Variants in DNMT3L observed in about 807,000 individuals in gnomAD.
DNMT3L encodes the protein DNA methyltransferase 3 like.
A neutral mutation model predicts 36.2 loss-of-function variants in DNMT3L; 33 were observed. The observed-to-expected ratio is 0.91, with a 90% CI of 0.69 to 1.22. The LOEUF (loss-of-function observed/expected upper bound fraction) is 1.22. Ranked by LOEUF, DNMT3L falls within the 50% of genes most tolerant of loss-of-function variation. The probability of loss-of-function intolerance (pLI) is 0.00; values close to 1 mark genes in which losing one functional copy is unlikely to be tolerated. For synonymous variants in DNMT3L, 117 were observed against 121.7 expected, an observed-to-expected ratio of 0.96 and a Z score of 0.26; for missense variants, 310 against 303.1, an observed-to-expected ratio of 1.02 and a Z score of -0.17.
chr21:44,256,252 C>G (rs184673535), intron 6 of DNMT3L, 98 bp from the exon 7 acceptor site: 3 of 1,220,940 alleles, frequency 2.5e-6, no homozygotes, highest in Non-Finnish European at 2.4e-6. Context: ...AACACTCACT[C>G]GAGACTCACC....
chr21:44,257,165 A>C (rs558550803), intron 6 of DNMT3L, among the ~76,000 whole-genome samples: 1 of 151,588 alleles, frequency 6.6e-6, no homozygotes, highest in Non-Finnish European at 1.5e-5. Flanking sequence ...GGATCACTTG[A>C]GGTCAGGAGT....
chr21:44,261,255 G>T lies in DNMT3L; in HGVS notation c.5C>A (p.Ala2Glu), dbSNP rs776282345. The part of the protein sequence containing the change: M[A>E]AIPALDPEAE... ...CTCTGGGTCCAGGGCTGGGATGGCC[G>T]CCATGGGGATGCTGTGTCAGGACAC... The change falls in exon 2 of 12, where the codon GCG becomes GAG. Residue 2 changes from alanine to glutamate, a missense_variant. Coordinates refer to ENST00000628202, the MANE Select transcript of DNMT3L (RefSeq NM_175867.3). 4 of 1,612,176 alleles carry T rather than the reference G, an allele frequency of 2.5e-6. No homozygotes were observed. The highest frequency in any genetic ancestry group is 1.3e-5 in the African/African-American group (1 of 74,924).
In DNMT3L at chr21:44,258,736, C is replaced by G; in HGVS notation, c.345-42G>C. The G allele has an allele frequency of 6.3e-7, 1 of 1,597,724 alleles. No individual in the cohort carries two copies. Among genetic ancestry groups the G allele is most frequent in the Non-Finnish European group, 8.5e-7 (1 of 1,169,728 alleles). Reference sequence around the variant, plus strand: ...AACCACAGCAGCGGACATGACAGCCCACCTCTCCTGAGGATGGCAGAGGTG... The same window carrying G: ...AACCACAGCAGCGGACATGACAGCCGACCTCTCCTGAGGATGGCAGAGGTG... On this transcript the variant is annotated intron_variant, in intron 5 of 11. Coordinates refer to ENST00000628202, the MANE Select transcript of DNMT3L (RefSeq NM_175867.3). This position sits in a 1 kb window ranked among gnomAD's most constrained non-coding sequence, Gnocchi z 6.2.
chr21:44,261,301 G>A (rs2040316890), intron 1 of DNMT3L, 35 bp from the exon 2 acceptor site: 1 of 1,598,014 alleles, frequency 6.3e-7, no homozygotes, highest in East Asian at 2.2e-5. Context: ...ATGTGAGAAA[G>A]CCGTCAGCCC....
intron 3 of DNMT3L, among the ~76,000 whole-genome samples, 199 bp downstream of exon 3, chr21:44,260,596 G>T (rs1261001475): frequency 6.6e-6 from 1 of 152,146 alleles, no homozygotes; most frequent in East Asian, 1.9e-4. Context: ...GGGACTACAG[G>T]TGCATGCCAC....
chr21:44,259,564 AGCAAGGCTG>A lies in DNMT3L; in HGVS notation c.232-24_232-16del. 6.2e-7 allele frequency: 1 copy of A among 1,613,672 alleles called. No homozygotes were observed. Among genetic ancestry groups the A allele is most frequent in the Non-Finnish European group, 8.5e-7 (1 of 1,180,006 alleles). The stretch of plus-strand genomic sequence containing the variant: ...AGGAACTTGTCCTTGGAAGGAGCAA[AGCAAGGCTG>A]GCTTGTGTCATCCCTGCTCTGAGGC... On this transcript the variant is annotated splice_polypyrimidine_tract_variant and intron_variant, in intron 4 of 11. Coordinates refer to ENST00000628202, the MANE Select transcript of DNMT3L (RefSeq NM_175867.3).
chr21:44,261,613 C>A (rs1214283628), intron 1 of DNMT3L, 127 bp downstream of exon 1: 3 of 244,324 alleles, frequency 1.2e-5, no homozygotes, highest in Non-Finnish European at 2.4e-5. Flanking sequence ...CAGCCTTCGA[C>A]CCCTCAGGGA....
intron 7 of DNMT3L, among the ~76,000 whole-genome samples, chr21:44,255,453 A>G (rs1351375349): frequency 2.0e-5 from 3 of 151,324 alleles, no homozygotes; most frequent in Non-Finnish European, 2.9e-5. Context: ...CCCGGGGGGC[A>G]GAGGTGCAGC....
At position 44,254,123 on chromosome 21, in the gene DNMT3L, A is replaced by G. The variant is rs139970156; in HGVS notation, c.693+494T>C. The stretch of plus-strand genomic sequence containing the variant: ...GCGGGGAATCTGGCCTACAGGGGGA[A>G]CGCACGACTGGAGCTGTGTCACCTC... On this transcript the variant is annotated intron_variant, in intron 8 of 11. Coordinates refer to ENST00000628202, the MANE Select transcript of DNMT3L (RefSeq NM_175867.3). 9.4e-3 allele frequency among the ~76,000 whole-genome samples: 1,435 copies of G among 152,290 alleles called. 18 individuals carry two copies. The highest frequency in any genetic ancestry group is 0.033 in the African/African-American group (1,360 of 41,560).
intron 8 of DNMT3L, among the ~76,000 whole-genome samples, chr21:44,253,546 G>A (rs1353874728): frequency 7.9e-5 from 12 of 152,002 alleles, no homozygotes; most frequent in Admixed American, 2.6e-4. Context: ...GTGAAACCCC[G>A]TCTCTACTAA....
In DNMT3L at chr21:44,258,471, C is replaced by G. The variant is rs1450042796; in HGVS notation, c.516+52G>C. 1 of 1,494,930 alleles carries G rather than the reference C, an allele frequency of 6.7e-7. No homozygotes were observed. The highest frequency in any genetic ancestry group is 9.0e-7 in the Non-Finnish European group (1 of 1,116,568). 92.6% of individuals were successfully genotyped at this position (1,494,930 alleles called of 1,614,324 possible). On this transcript the variant is annotated intron_variant, in intron 6 of 11. Coordinates refer to ENST00000628202, the MANE Select transcript of DNMT3L (RefSeq NM_175867.3). This position sits in a 1 kb window ranked among gnomAD's most constrained non-coding sequence, Gnocchi z 6.2. Reference sequence around the variant, plus strand: ...TCTGCAGCGGGAACCGAGGGAAGGCCGTAAGTCAGGGCCTGCTGCTGCCGG... The same window carrying G: ...TCTGCAGCGGGAACCGAGGGAAGGCGGTAAGTCAGGGCCTGCTGCTGCCGG...
Position 44,258,795 on chromosome 21 carries a change from C to T in DNMT3L, c.345-101G>A. On this transcript the variant is annotated intron_variant, in intron 5 of 11. Coordinates refer to ENST00000628202, the MANE Select transcript of DNMT3L (RefSeq NM_175867.3). This position sits in a 1 kb window ranked among gnomAD's most constrained non-coding sequence, Gnocchi z 6.2. The stretch of plus-strand genomic sequence containing the variant: ...TGAGCCTTGTTTTGGAGGGAAAAGT[C>T]ACGCTGGAGCTCCCTTTGGGAAGAC... The T allele has an allele frequency of 6.9e-7, 1 of 1,454,870 alleles. No homozygotes were observed. Among genetic ancestry groups the T allele is most frequent in the Non-Finnish European group, 9.2e-7 (1 of 1,087,400 alleles). 90.1% of individuals were successfully genotyped at this position (1,454,870 alleles called of 1,614,324 possible).
At chr21:44,259,274 GCTC>G (rs2040293788) in intron 5 of DNMT3L, among the ~76,000 whole-genome samples, 160 bp downstream of exon 5, 1 of 152,154 alleles carries the variant, frequency 6.6e-6, no homozygotes, top group Non-Finnish European at 1.5e-5. Flanking sequence ...GCCTCCCATA[GCTC>G]AGGGCTCTAT....
In DNMT3L at chr21:44,259,489, T is replaced by A. The variant is rs2040296997; in HGVS notation, c.292A>T (p.Ile98Phe). The A allele has an allele frequency of 6.2e-7, 1 of 1,613,588 alleles. No individual in the cohort carries two copies. Among genetic ancestry groups the A allele is most frequent in the Non-Finnish European group, 8.5e-7 (1 of 1,180,022 alleles). The change falls in exon 5 of 12, where the codon ATC becomes TTC. Residue 98 changes from isoleucine to phenylalanine, a missense_variant. Coordinates refer to ENST00000628202, the MANE Select transcript of DNMT3L (RefSeq NM_175867.3). ...DDDGYQSYCS[I>F]CCSGETLLIC... Reference sequence around the variant, plus strand: ...AGCAGCGTCTCTCCGGAGCAGCAGATGGAGCAGTAGGATTGGTACCCGTCA... The same window carrying A: ...AGCAGCGTCTCTCCGGAGCAGCAGAAGGAGCAGTAGGATTGGTACCCGTCA...
intron 3 of DNMT3L, among the ~76,000 whole-genome samples, chr21:44,260,357 G>T (rs1274702098): frequency 2.6e-5 from 4 of 152,162 alleles, no homozygotes; most frequent in African/African-American, 9.7e-5. Flanking sequence ...TGGTGATGAT[G>T]GTTGCTGACT....
intron 6 of DNMT3L, 130 bp from the exon 7 acceptor site, chr21:44,256,284 C>T: frequency 1.1e-6 from 1 of 911,930 alleles, no homozygotes; most frequent in Non-Finnish European, 1.7e-6. Flanking sequence ...TAAGACACAC[C>T]TGCTGAGGCT....
chr21:44,255,965 G>A (rs1372737794), intron 7 of DNMT3L, 102 bp downstream of exon 7: 3 of 1,210,696 alleles, frequency 2.5e-6, no homozygotes, highest in Admixed American at 3.5e-5. Context: ...GCAGTTGGCC[G>A]GTCTAGGGGA....
chr21:44,255,870 C>T (rs575013277), intron 7 of DNMT3L, among the ~76,000 whole-genome samples, 197 bp downstream of exon 7: 6 of 149,670 alleles, frequency 4.0e-5, no homozygotes, highest in South Asian at 2.1e-4. Context: ...GCTGTGCCTG[C>T]GGGGCCCAGA....
chr21:44,259,308 CAG>C, intron 5 of DNMT3L, 127 bp downstream of exon 5: 1 of 952,470 alleles, frequency 1.0e-6, no homozygotes. Flanking sequence ...GCATTGGAGA[CAG>C]AAATCAGAAG....
Sources: allele counts gnomAD v4.1 joint callset (sites outside exome capture counted in the v4.1 genomes callset), GRCh38; gene constraint gnomAD v4.1.1; non-coding constraint Gnocchi (gnomAD v3.1); transcripts MANE v1.5; gene names NCBI Gene and HGNC (gene_info 2026-07-23, HGNC 2026-07-21).